Variants in PDE4D observed in about 807,000 individuals in gnomAD.
PDE4D encodes the protein phosphodiesterase 4D.
In PDE4D, 24 loss-of-function variants were observed where a neutral mutation model predicts 87.4. The observed-to-expected ratio is 0.27, with a 90% CI of 0.20 to 0.39. PDE4D has a LOEUF of 0.39. Ranked by LOEUF, PDE4D falls within the 10% of genes least tolerant of loss-of-function variation. The pLI is 1.00. For synonymous variants in PDE4D, 384 were observed against 383.2 expected, an observed-to-expected ratio of 1.00 and a Z score of -0.02; for missense variants, 714 against 1,041.0, an observed-to-expected ratio of 0.69 and a Z score of 4.32.
At chr5:60,030,436 G>C (rs560541444) in intron 2 of PDE4D, among the ~76,000 whole-genome samples, 1 of 152,120 alleles carries the variant, frequency 6.6e-6, no homozygotes, top group Non-Finnish European at 1.5e-5. Context: ...CGGCCTGGGC[G>C]ACAGAGCGAG....
intron 3 of PDE4D, among the ~76,000 whole-genome samples, chr5:59,899,514 T>C (rs138349428): frequency 3.9e-4 from 59 of 151,998 alleles, no homozygotes; most frequent in Non-Finnish European, 7.6e-4. Flanking sequence ...GTGGTAAATA[T>C]ATATATATAG....
intron 1 of PDE4D, among the ~76,000 whole-genome samples, chr5:60,509,735 T>C (rs951929517): frequency 1.3e-5 from 2 of 152,228 alleles, no homozygotes; most frequent in African/African-American, 4.8e-5. Context: ...TCTTCTTTCA[T>C]ACTCTGTCCT....
At chr5:59,837,099 T>C (rs572430412) in intron 1 of PDE4D, among the ~76,000 whole-genome samples, 3 of 152,154 alleles carry the variant, frequency 2.0e-5, no homozygotes, top group Admixed American at 6.6e-5. Context: ...CCATCTCTCA[T>C]TCAAGGCTTC....
intron 2 of PDE4D, among the ~76,000 whole-genome samples, chr5:60,018,783 G>T (rs1411756395): frequency 6.6e-6 from 1 of 152,092 alleles, no homozygotes; most frequent in Non-Finnish European, 1.5e-5. Context: ...TCAACAAGAA[G>T]GGCTAACTAT....
intron 1 of PDE4D, among the ~76,000 whole-genome samples, chr5:59,759,653 G>A (rs561342410): frequency 5.3e-5 from 8 of 152,072 alleles, no homozygotes; most frequent in South Asian, 2.1e-4. Context: ...AACTTGCAGC[G>A]CCTCCACCTC....
At chr5:60,179,666 G>A (rs79817442) in intron 2 of PDE4D, among the ~76,000 whole-genome samples, 5,394 of 152,040 alleles carry the variant, frequency 0.035, 314 homozygotes, top group African/African-American at 0.12. Flanking sequence ...TATAACTCAG[G>A]GACAATTCCA....
At chr5:60,073,222 G>A (rs1456700879) in intron 2 of PDE4D, among the ~76,000 whole-genome samples, 1 of 152,084 alleles carries the variant, frequency 6.6e-6, no homozygotes, top group Non-Finnish European at 1.5e-5. Flanking sequence ...TTAACATGAA[G>A]AGGTGATGAA....
chr5:60,292,003 G>C (rs947100384), intron 1 of PDE4D, among the ~76,000 whole-genome samples: 2 of 152,014 alleles, frequency 1.3e-5, no homozygotes, highest in Non-Finnish European at 2.9e-5. Context: ...TCGTTACATA[G>C]GGAAACATTC....
At chr5:60,031,077 A>T (rs1166571609) in intron 2 of PDE4D, 1 of 152,214 alleles carries the variant, frequency 6.6e-6, no homozygotes, top group Non-Finnish European at 1.5e-5. Flanking sequence ...AGAATAGTGG[A>T]CAACTAAGAA....
intron 3 of PDE4D, among the ~76,000 whole-genome samples, chr5:59,929,365 C>T (rs972488180): frequency 2.6e-5 from 4 of 152,116 alleles, no homozygotes; most frequent in Non-Finnish European, 5.9e-5. Context: ...CTCACTTATT[C>T]CCACTTTTTT....
intron 1 of PDE4D, among the ~76,000 whole-genome samples, chr5:59,427,700 A>G (rs548819726): frequency 1.6e-4 from 25 of 152,126 alleles, no homozygotes; most frequent in Middle Eastern, 3.4e-3. Context: ...AGCCTGGCAC[A>G]GTGACCTCAA....
intron 2 of PDE4D, among the ~76,000 whole-genome samples, chr5:60,136,575 A>G (rs1780068519): frequency 1.3e-5 from 2 of 152,192 alleles, no homozygotes; most frequent in South Asian, 2.1e-4. Context: ...TTGGCCTACC[A>G]AAGTGCTGGG....
At chr5:60,222,909 C>T (rs1316555388) in intron 1 of PDE4D, among the ~76,000 whole-genome samples, 2 of 152,100 alleles carry the variant, frequency 1.3e-5, no homozygotes, top group African/African-American at 4.8e-5. Context: ...ATAGAGGTAA[C>T]TGTGAGCTCT....
intron 3 of PDE4D, among the ~76,000 whole-genome samples, chr5:59,966,254 T>C (rs935512481): frequency 6.6e-6 from 1 of 152,228 alleles, no homozygotes; most frequent in Non-Finnish European, 1.5e-5. Context: ...AATCCTATTA[T>C]GCTTCATTGT....
chr5:59,696,491 C>A (rs1452641131), intron 1 of PDE4D, among the ~76,000 whole-genome samples: 1 of 152,008 alleles, frequency 6.6e-6, no homozygotes. Flanking sequence ...CTATGAAATT[C>A]ATTGATGTGG....
At chr5:60,430,490 TC>T (rs890642019) in intron 1 of PDE4D, among the ~76,000 whole-genome samples, 7 of 151,584 alleles carry the variant, frequency 4.6e-5, no homozygotes, top group African/African-American at 1.7e-4. Flanking sequence ...TTTCCTTGTC[TC>T]CTGCAAGTTC....
intron 2 of PDE4D, among the ~76,000 whole-genome samples, chr5:60,132,390 A>G (rs1295148690): frequency 6.6e-6 from 1 of 152,162 alleles, no homozygotes; most frequent in Non-Finnish European, 1.5e-5. Flanking sequence ...TTTATGTATT[A>G]CCGTATTCCA....
chr5:59,935,107 T>C (rs986318105), intron 3 of PDE4D, among the ~76,000 whole-genome samples: 1 of 152,090 alleles, frequency 6.6e-6, no homozygotes, highest in Admixed American at 6.5e-5. Flanking sequence ...GGCTGTGAGG[T>C]CATAAGTATC....
intron 1 of PDE4D, among the ~76,000 whole-genome samples, chr5:60,458,563 T>C (rs1746669704): frequency 6.6e-6 from 1 of 152,100 alleles, no homozygotes; most frequent in Admixed American, 6.6e-5. Context: ...CGCTAAGAAA[T>C]TCTCCCTTGG....
Sources: gnomAD v4.1 joint callset for allele counts (sites outside exome capture counted in the v4.1 genomes callset) on GRCh38, gnomAD v4.1.1 for gene constraint, MANE v1.5 for transcripts, NCBI Gene and HGNC (gene_info 2026-07-23, HGNC 2026-07-21) for gene names.